Variants in SLC4A4 observed in about 807,000 individuals in gnomAD.
The protein encoded by SLC4A4 is solute carrier family 4 member 4.
In SLC4A4, 27 loss-of-function variants were observed where a neutral mutation model predicts 111.5. The observed-to-expected ratio is 0.24, with a 90% CI of 0.18 to 0.33. SLC4A4 has a LOEUF of 0.33. Among genes scored for constraint, SLC4A4 ranks in the 10% least tolerant of loss-of-function variants. The probability of loss-of-function intolerance (pLI) is 1.00; values close to 1 mark genes in which losing one functional copy is unlikely to be tolerated. For synonymous variants in SLC4A4, 443 were observed against 463.4 expected, an observed-to-expected ratio of 0.96 and a Z score of 0.57; for missense variants, 909 against 1,315.5, an observed-to-expected ratio of 0.69 and a Z score of 4.78.
chr4:71,350,301 T>G (rs527578897), intron 5 of SLC4A4, among the ~76,000 whole-genome samples: 28 of 152,292 alleles, frequency 1.8e-4, no homozygotes, highest in African/African-American at 6.5e-4. Flanking sequence ...TGGTCATTGT[T>G]GGCATTTTGG....
chr4:71,116,613 C>T (rs1224554918), intron 2 of SLC4A4, among the ~76,000 whole-genome samples: 1 of 152,110 alleles, frequency 6.6e-6, no homozygotes, highest in Non-Finnish European at 1.5e-5. Context: ...GGTTAATTAC[C>T]TGGGTTAATG....
intron 7 of SLC4A4, among the ~76,000 whole-genome samples, chr4:71,430,005 A>G (rs1723492908): frequency 6.6e-6 from 1 of 152,064 alleles, no homozygotes; most frequent in Admixed American, 6.6e-5. Context: ...TTCATGCTTT[A>G]GCCATTACTT....
At chr4:71,241,363 T>G (rs986866549) in intron 2 of SLC4A4, among the ~76,000 whole-genome samples, 1 of 152,114 alleles carries the variant, frequency 6.6e-6, no homozygotes, top group African/African-American at 2.4e-5. Flanking sequence ...GAGACTAAAA[T>G]AATGAAATGG....
intron 3 of SLC4A4, chr4:71,300,927 A>T (rs1346158732): frequency 1.9e-6 from 1 of 524,180 alleles, no homozygotes; most frequent in Non-Finnish European, 3.9e-6. Context: ...CTGAAGATAG[A>T]TCACCAGGTT....
chr4:71,259,265 A>G (rs750393984), intron 3 of SLC4A4, among the ~76,000 whole-genome samples: 7 of 152,128 alleles, frequency 4.6e-5, no homozygotes, highest in African/African-American at 7.2e-5. Context: ...TATTTTCTTC[A>G]TGGCTTTGGT....
chr4:71,382,094 G>T (rs559424915), intron 6 of SLC4A4, among the ~76,000 whole-genome samples: 10 of 152,018 alleles, frequency 6.6e-5, no homozygotes, highest in Non-Finnish European at 1.3e-4. Flanking sequence ...TAGACTTTGG[G>T]TGATCATTTT....
chr4:71,478,211 C>T (rs972385418), intron 14 of SLC4A4, among the ~76,000 whole-genome samples: 3 of 151,902 alleles, frequency 2.0e-5, no homozygotes, highest in Non-Finnish European at 4.4e-5. Context: ...GGTGATTCCT[C>T]AAGGATCTAA....
At chr4:71,514,633 G>A (rs1037315976) in intron 16 of SLC4A4, among the ~76,000 whole-genome samples, 12 of 152,080 alleles carry the variant, frequency 7.9e-5, no homozygotes, top group Non-Finnish European at 1.5e-4. Context: ...TGGGATTTTC[G>A]TTATTGGGAG....
intron 1 of SLC4A4, among the ~76,000 whole-genome samples, chr4:71,224,157 G>A (rs549438894): frequency 1.3e-5 from 2 of 152,172 alleles, no homozygotes; most frequent in South Asian, 2.1e-4. Flanking sequence ...TCTGGAGCCC[G>A]GGTCCCTACA....
chr4:71,238,869 C>T (rs1840084), intron 2 of SLC4A4, among the ~76,000 whole-genome samples: 5 of 152,034 alleles, frequency 3.3e-5, no homozygotes, highest in South Asian at 2.1e-4. Context: ...TAGTATAAAA[C>T]GGTTGAAATG....
At chr4:71,402,833 G>T (rs1006961645) in intron 7 of SLC4A4, among the ~76,000 whole-genome samples, 3 of 152,176 alleles carry the variant, frequency 2.0e-5, no homozygotes, top group African/African-American at 7.2e-5. Context: ...GAAACAGCTT[G>T]TGCTTAGATA....
At chr4:71,072,803 T>C (rs1208657255) in intron 1 of SLC4A4, among the ~76,000 whole-genome samples, 2 of 152,144 alleles carry the variant, frequency 1.3e-5, no homozygotes, top group African/African-American at 2.4e-5. Flanking sequence ...TGTCTTGCTC[T>C]GTTGCCCAGG....
chr4:71,505,243 T>A (rs781753795), intron 16 of SLC4A4, among the ~76,000 whole-genome samples: 1 of 152,084 alleles, frequency 6.6e-6, no homozygotes, highest in East Asian at 1.9e-4. Flanking sequence ...TGGGTGTATA[T>A]CCTGTAATGG....
At chr4:71,156,062 C>T (rs1744454579) in intron 2 of SLC4A4, among the ~76,000 whole-genome samples, 1 of 152,172 alleles carries the variant, frequency 6.6e-6, no homozygotes, top group South Asian at 2.1e-4. Context: ...TCTGTTCTTC[C>T]TTATTATGTT....
In SLC4A4 at chr4:71,223,811, C is replaced by G. The variant is rs1471725444; in HGVS notation, c.-1-12765C>G. Among the ~76,000 whole-genome samples, 5 of 151,986 alleles carry G rather than the reference C, an allele frequency of 3.3e-5. No individual in the cohort carries two copies. The South Asian group carries it at 1.0e-3, about 32-fold the overall frequency. Reference sequence around the variant, plus strand: ...CTCATGAACTCGGAGTCTCAAAGCCCAGATCCCATTCCCACAGAAGCCCGT... The same window carrying G: ...CTCATGAACTCGGAGTCTCAAAGCCGAGATCCCATTCCCACAGAAGCCCGT... On this transcript the variant is annotated intron_variant, in intron 1 of 25. Coordinates refer to ENST00000264485, the MANE Select transcript of SLC4A4 (RefSeq NM_001098484.3).
chr4:71,291,639 T>G (rs1400308036), intron 3 of SLC4A4, among the ~76,000 whole-genome samples: 1 of 152,124 alleles, frequency 6.6e-6, no homozygotes, highest in Admixed American at 6.5e-5. Flanking sequence ...GAAAATAATG[T>G]CTTAGTTTTA....
intron 16 of SLC4A4, among the ~76,000 whole-genome samples, chr4:71,518,124 G>A (rs1732579456): frequency 6.6e-6 from 1 of 152,154 alleles, no homozygotes; most frequent in Admixed American, 6.5e-5. Flanking sequence ...GCTGGGGTAG[G>A]TGTAGAGTTT....
intron 4 of SLC4A4, among the ~76,000 whole-genome samples, chr4:71,345,666 C>G (rs1478765701): frequency 6.6e-6 from 1 of 152,052 alleles, no homozygotes; most frequent in Non-Finnish European, 1.5e-5. Context: ...CATTAAGCAC[C>G]AACATGTGCA....
intron 1 of SLC4A4, among the ~76,000 whole-genome samples, chr4:71,065,402 G>A (rs77629148): frequency 0.01 from 1,585 of 151,680 alleles, 36 homozygotes; most frequent in African/African-American, 0.037. Context: ...GAATTATTGG[G>A]CCATATAATG....
Sources: gnomAD v4.1 joint callset for allele counts (sites outside exome capture counted in the v4.1 genomes callset) on GRCh38, gnomAD v4.1.1 for gene constraint, MANE v1.5 for transcripts, NCBI Gene and HGNC (gene_info 2026-07-23, HGNC 2026-07-21) for gene names.